SUCNR1: variants seen among roughly 807,000 people sequenced by gnomAD.
The protein encoded by SUCNR1 is G-protein coupled receptor 91.
SUCNR1 carries 5 observed loss-of-function variants against 2.4 expected under a neutral mutation model. That is an observed-to-expected ratio of 2.07 (90% confidence interval 1.08 to 4.36). The LOEUF is 4.36. SUCNR1 is among the 30% of genes most tolerant of loss of function. The pLI is 0.00. For missense variants in SUCNR1, 373 were observed against 399.2 expected (o/e 0.93, Z 0.56); for synonymous variants, 162 against 143.9 (o/e 1.13, Z -0.90).
At chr3:151,878,519 G>C (rs1306213908) in intron 1 of SUCNR1, among the ~76,000 whole-genome samples, 3 of 152,120 alleles carry the variant, frequency 2.0e-5, no homozygotes, top group Non-Finnish European at 4.4e-5. Context: ...AAAGTTTTAA[G>C]AGATAAAAAA....
In SUCNR1 at chr3:151,881,129, T is replaced by C; in HGVS notation, c.586T>C (p.Phe196Leu). The change falls in exon 3 of 3, where the codon TTC becomes CTC. Residue 196 changes from phenylalanine to leucine, a missense_variant. Coordinates refer to ENST00000362032, the MANE Select transcript of SUCNR1 (RefSeq NM_033050.6). ...CAGCATGTGTCTAACACTGTTGGGG[T>C]TCCTTATTCCTCTTTTTGTGATGTG... The part of the protein sequence containing the change: ...IYSMCLTLLG[F>L]LIPLFVMCFF... 3 of 1,614,146 alleles carry C rather than the reference T, an allele frequency of 1.9e-6. No homozygotes were observed. Among genetic ancestry groups the C allele is most frequent in the Non-Finnish European group, 2.5e-6 (3 of 1,180,016 alleles).
intron 1 of SUCNR1, among the ~76,000 whole-genome samples, chr3:151,875,127 G>A (rs993350348): frequency 1.3e-5 from 2 of 151,776 alleles, no homozygotes; most frequent in Non-Finnish European, 2.9e-5. Context: ...ATATATTTTT[G>A]GACTGGAAAC....
At position 151,884,140 on chromosome 3, in the gene SUCNR1, T is replaced by TCTTAAA. The variant is rs796156993; in HGVS notation, c.*2593_*2598dup. ...TATTATTGTCTTCATAGCTGAGTACTCTTAAAATTACTGTTTATTATAAGT... is the reference window on the plus strand; with the variant it reads ...TATTATTGTCTTCATAGCTGAGTACTCTTAAACTTAAAATTACTGTTTATTATAAGT... On this transcript the variant is annotated 3_prime_UTR_variant, in exon 3 of 3. Coordinates refer to ENST00000362032, the MANE Select transcript of SUCNR1 (RefSeq NM_033050.6). The TCTTAAA allele has an allele frequency of 2.6e-5, 4 of 152,366 alleles. 1 individual carries two copies. Among genetic ancestry groups the TCTTAAA allele is most frequent in the African/African-American group, 9.6e-5 (4 of 41,588 alleles). The allele number at this position is 152,366 out of a possible 1,614,324, so 9.4% of individuals were successfully genotyped here. A position where few individuals can be genotyped will look rare whatever the true frequency, so the allele number is the denominator to read the frequency against.
rs1718076838 is a variant in SUCNR1, at chr3:151,880,967, A to T, written c.424A>T (p.Ile142Phe). 1 of 1,613,974 alleles carries T rather than the reference A, an allele frequency of 6.2e-7. No individual in the cohort carries two copies. The highest frequency in any genetic ancestry group is 1.1e-5 in the South Asian group (1 of 91,068). ...GCAAAAGAAAGAGTTTGCTATTTTA[A>T]TCTCCTTGGCCATTTGGGTTTTAGT... ...LLQKKEFAIL[I>F]SLAIWVLVTL... The change falls in exon 3 of 3, where the codon ATC becomes TTC. Residue 142 changes from isoleucine (I) to phenylalanine (F), a missense_variant. Around this residue, in one of 3 missense-constraint regions of SUCNR1, gnomAD observed 32 missense variants for 58.3 expected, o/e 0.55. Transcript: ENST00000362032.
intron 1 of SUCNR1, among the ~76,000 whole-genome samples, chr3:151,876,743 T>C (rs1441258620): frequency 6.6e-6 from 1 of 152,140 alleles, no homozygotes; most frequent in Admixed American, 6.6e-5. Flanking sequence ...TTATATTATA[T>C]ATAGTGTTGA....
Position 151,883,465 on chromosome 3 carries a change from C to CATATAT in SUCNR1, c.*1952_*1957dup, listed in dbSNP as rs57096358. On this transcript the variant is annotated 3_prime_UTR_variant, in exon 3 of 3. Coordinates refer to ENST00000362032, the MANE Select transcript of SUCNR1 (RefSeq NM_033050.6). ...AATATTTTTTCAAACCATAAACTCA[C>CATATAT]ATATATATATATATATATATATATA... 0.057 allele frequency: 4,557 copies of CATATAT among 79,996 alleles called. 217 individuals carry two copies. The highest frequency in any genetic ancestry group is 0.071 in the Non-Finnish European group (2,966 of 42,002). The allele number at this position is 79,996 out of a possible 1,614,324, so 5.0% of individuals were successfully genotyped here.
chr3:151,883,682 A>G lies in SUCNR1; in HGVS notation c.*2134A>G, dbSNP rs1718170456. On this transcript the variant is annotated 3_prime_UTR_variant, in exon 3 of 3. Transcript: ENST00000362032. Reference sequence around the variant, plus strand: ...TAATTGTAAGAATCACAAACAATAAATCATGAAAATCCTTTCTGGGTTTGT... The same window carrying G: ...TAATTGTAAGAATCACAAACAATAAGTCATGAAAATCCTTTCTGGGTTTGT... 2.0e-5 allele frequency: 3 copies of G among 151,808 alleles called. No individual in the cohort carries two copies. Among genetic ancestry groups the G allele is most frequent in the Non-Finnish European group, 2.9e-5 (2 of 67,908 alleles). The allele number at this position is 151,808 out of a possible 1,614,324, so 9.4% of individuals were successfully genotyped here. A position where few individuals can be genotyped will look rare whatever the true frequency, so the allele number is the denominator to read the frequency against.
Position 151,881,254 on chromosome 3 carries a change from A to C in SUCNR1, c.711A>C (p.Ala237=). Residue 237 remains alanine, a synonymous_variant, in exon 3 of 3, where the codon GCA becomes GCC. Coordinates refer to ENST00000362032, the MANE Select transcript of SUCNR1 (RefSeq NM_033050.6). ...AGCCTCTCAACTTGGTCATCATGGCAGTGGTAATCTTCTCTGTGCTTTTTA... is the reference window on the plus strand; with the variant it reads ...AGCCTCTCAACTTGGTCATCATGGCCGTGGTAATCTTCTCTGTGCTTTTTA... ...LEKPLNLVIM[A]VVIFSVLFTP... 6.2e-7 allele frequency: 1 copy of C among 1,614,206 alleles called. No individual in the cohort carries two copies. The highest frequency in any genetic ancestry group is 8.5e-7 in the Non-Finnish European group (1 of 1,180,026).
intron 1 of SUCNR1, among the ~76,000 whole-genome samples, chr3:151,875,728 CA>C (rs1048517599): frequency 2.6e-4 from 40 of 152,024 alleles, no homozygotes; most frequent in Non-Finnish European, 4.1e-4. Flanking sequence ...AAAGTTGTTT[CA>C]AAAAAATGAA....
At chr3:151,877,833 A>G (rs753926572) in intron 1 of SUCNR1, among the ~76,000 whole-genome samples, 6 of 152,184 alleles carry the variant, frequency 3.9e-5, no homozygotes, top group Non-Finnish European at 5.9e-5. Flanking sequence ...ATAGTTGGTC[A>G]TTAAACCTCA....
In SUCNR1 at chr3:151,883,143, A is replaced by G. The variant is rs1297031741; in HGVS notation, c.*1595A>G. ...TTCTTACATCACACCAGGCTTTAAG[A>G]TATTTTCTGCCATGCCTTGCCTTTA... On this transcript the variant is annotated 3_prime_UTR_variant, in exon 3 of 3. Coordinates refer to ENST00000362032, the MANE Select transcript of SUCNR1 (RefSeq NM_033050.6). 1 of 152,002 alleles carries G rather than the reference A, an allele frequency of 6.6e-6. No individual in the cohort carries two copies. The highest frequency in any genetic ancestry group is 6.6e-5 in the Admixed American group (1 of 15,256). The allele number at this position is 152,002 out of a possible 1,614,324, so 9.4% of individuals were successfully genotyped here.
intron 2 of SUCNR1, 106 bp downstream of exon 2, chr3:151,880,013 C>A: frequency 2.8e-6 from 2 of 720,872 alleles, no homozygotes; most frequent in South Asian, 2.5e-5. Context: ...TTTGTGTTTC[C>A]ACCTTAATGC....
At chr3:151,880,251 A>G (rs1718047055) in intron 2 of SUCNR1, among the ~76,000 whole-genome samples, 1 of 152,124 alleles carries the variant, frequency 6.6e-6, no homozygotes, top group African/African-American at 2.4e-5. Flanking sequence ...GGTATCATTC[A>G]TTGTTTACTT....
At chr3:151,874,570 T>G (rs1490661097) in intron 1 of SUCNR1, among the ~76,000 whole-genome samples, 1 of 152,186 alleles carries the variant, frequency 6.6e-6, no homozygotes, top group Admixed American at 6.5e-5. Flanking sequence ...AAAAATGATA[T>G]TACCCAATAA....
In SUCNR1 at chr3:151,881,605, C is replaced by T. The variant is rs13079080; in HGVS notation, c.*57C>T. ...AATCTGTAAGCCAGTTACAGTTTGC[C>T]TTAACTCATAGACATCAATCAGAGA... On this transcript the variant is annotated 3_prime_UTR_variant, in exon 3 of 3. Transcript: ENST00000362032. 0.41 allele frequency: 601,417 copies of T among 1,478,138 alleles called. 124,083 individuals are homozygous for T. The highest frequency in any genetic ancestry group is 0.57 in the African/African-American group (40,770 of 71,136). The allele number at this position is 1,478,138 out of a possible 1,614,324, so 91.6% of individuals were successfully genotyped here. A position where few individuals can be genotyped will look rare whatever the true frequency, so the allele number is the denominator to read the frequency against.
At chr3:151,877,002 G>A (rs1479092266) in intron 1 of SUCNR1, among the ~76,000 whole-genome samples, 1 of 152,112 alleles carries the variant, frequency 6.6e-6, no homozygotes, top group African/African-American at 2.4e-5. Flanking sequence ...TAAATGGGAG[G>A]ACCTACTTTA....
intron 1 of SUCNR1, among the ~76,000 whole-genome samples, chr3:151,875,551 A>T (rs549610885): frequency 7.2e-5 from 11 of 152,186 alleles, no homozygotes; most frequent in African/African-American, 2.4e-4. Context: ...AAAACATCAT[A>T]AAAAAATCTC....
At chr3:151,874,549 T>C in intron 1 of SUCNR1, among the ~76,000 whole-genome samples, 1 of 152,116 alleles carries the variant, frequency 6.6e-6, no homozygotes, top group Non-Finnish European at 1.5e-5. Context: ...AAATTTAACA[T>C]TTATGTGTGT....
At position 151,880,553 on chromosome 3, in the gene SUCNR1, C is replaced by G; in HGVS notation, c.16-6C>G. 1.9e-6 allele frequency: 3 copies of G among 1,589,436 alleles called. No individual in the cohort carries two copies. The highest frequency in any genetic ancestry group is 2.6e-6 in the Non-Finnish European group (3 of 1,168,646). On this transcript the variant is annotated splice_region_variant and splice_polypyrimidine_tract_variant and intron_variant, in intron 2 of 2. Transcript: ENST00000362032. ...TTAATCCTTATATTTTCTCTCTCTT[C>G]TTTAGGCATGGAATGCAACTTGCAA...
Sources: gnomAD v4.1 joint callset for allele counts (sites outside exome capture counted in the v4.1 genomes callset) on GRCh38, gnomAD v4.1.1 for gene constraint, gnomAD v4.1.1 regional missense constraint, MANE v1.5 for transcripts, NCBI Gene and HGNC (gene_info 2026-07-23, HGNC 2026-07-21) for gene names.